FAM168A: variants seen among roughly 807,000 people sequenced by gnomAD.
The protein encoded by FAM168A is protein FAM168A.
FAM168A carries 3 observed loss-of-function variants against 28.5 expected under a neutral mutation model. That is an observed-to-expected ratio of 0.11 (90% CI 0.05 to 0.27). FAM168A has a LOEUF of 0.27. Among genes scored for constraint, FAM168A ranks in the 10% least tolerant of loss-of-function variants. The probability of loss-of-function intolerance (pLI) is 1.00; values close to 1 mark genes in which losing one functional copy is unlikely to be tolerated. For synonymous variants in FAM168A, 122 were observed against 124.2 expected (o/e 0.98, Z 0.12); for missense variants, 222 against 311.5 (o/e 0.71, Z 2.16).
At chr11:73,413,771 A>C (rs565827400) in intron 4 of FAM168A, among the ~76,000 whole-genome samples, 3 of 152,360 alleles carry the variant, frequency 2.0e-5, no homozygotes, top group African/African-American at 7.2e-5. Flanking sequence ...GAAGTTTTTA[A>C]AACAATAGGA....
chr11:73,423,922 A>G (rs1184862471), intron 3 of FAM168A, among the ~76,000 whole-genome samples: 1 of 152,234 alleles, frequency 6.6e-6, no homozygotes, highest in Admixed American at 6.5e-5. Context: ...TTCAGATGCT[A>G]TAACTGGAAG....
At chr11:73,537,483 C>G (rs1943597057) in intron 1 of FAM168A, among the ~76,000 whole-genome samples, 1 of 152,164 alleles carries the variant, frequency 6.6e-6, no homozygotes, top group Non-Finnish European at 1.5e-5. Flanking sequence ...ATCGCTTGAA[C>G]CCGGGAGGCA....
At chr11:73,459,335 A>T (rs1867599827) in intron 2 of FAM168A, among the ~76,000 whole-genome samples, 1 of 152,030 alleles carries the variant, frequency 6.6e-6, no homozygotes, top group Non-Finnish European at 1.5e-5. Context: ...AATACAAAAA[A>T]ATTAGCCGGG....
intron 1 of FAM168A, among the ~76,000 whole-genome samples, chr11:73,539,671 G>C (rs771863687): frequency 1.3e-5 from 2 of 152,194 alleles, no homozygotes; most frequent in Non-Finnish European, 2.9e-5. Context: ...TCTAAGCCAG[G>C]AGCATCCTTT....
chr11:73,485,258 T>C (rs563991750), intron 1 of FAM168A, among the ~76,000 whole-genome samples: 1 of 152,306 alleles, frequency 6.6e-6, no homozygotes, highest in East Asian at 1.9e-4. Context: ...ACTAATTCAT[T>C]CAGCAAATCC....
At chr11:73,547,520 G>C (rs949785471) in intron 1 of FAM168A, among the ~76,000 whole-genome samples, 7 of 152,012 alleles carry the variant, frequency 4.6e-5, no homozygotes, top group African/African-American at 1.2e-4. Flanking sequence ...AAATAAGCCA[G>C]GTGTGCTGAT....
At chr11:73,597,072 C>T (rs543755531) in intron 1 of FAM168A, among the ~76,000 whole-genome samples, 1 of 152,150 alleles carries the variant, frequency 6.6e-6, no homozygotes, top group South Asian at 2.1e-4. Context: ...TAAGATCACC[C>T]TAAATCCAAC....
chr11:73,455,117 G>C (rs934523250), intron 2 of FAM168A, among the ~76,000 whole-genome samples: 1 of 152,230 alleles, frequency 6.6e-6, no homozygotes, highest in African/African-American at 2.4e-5. Flanking sequence ...TGGGGCTTCA[G>C]TAGTCACAGG....
chr11:73,528,537 T>C (rs1943473421), intron 1 of FAM168A, among the ~76,000 whole-genome samples: 1 of 152,222 alleles, frequency 6.6e-6, no homozygotes, highest in African/African-American at 2.4e-5. Flanking sequence ...GATGTGTTCC[T>C]CCTCTTACTT....
intron 1 of FAM168A, among the ~76,000 whole-genome samples, chr11:73,542,224 G>T (rs938445041): frequency 1.3e-5 from 2 of 152,122 alleles, no homozygotes; most frequent in African/African-American, 4.8e-5. Context: ...CTGAATTTCA[G>T]ACTTGTATAT....
At chr11:73,425,091 G>C in intron 3 of FAM168A, 1 of 1,467,940 alleles carries the variant, frequency 6.8e-7, no homozygotes, top group Non-Finnish European at 9.1e-7. Context: ...CTAAGAATTT[G>C]TGCAAAGTTG....
chr11:73,528,431 C>G (rs1234198413), intron 1 of FAM168A, among the ~76,000 whole-genome samples: 4 of 152,128 alleles, frequency 2.6e-5, no homozygotes, highest in African/African-American at 9.7e-5. Context: ...AGTATCAATT[C>G]GTGAAAAATA....
intron 1 of FAM168A, among the ~76,000 whole-genome samples, chr11:73,545,983 T>A (rs1565292517): frequency 6.6e-6 from 1 of 152,234 alleles, no homozygotes; most frequent in Admixed American, 6.5e-5. Context: ...TAGAAAGTTA[T>A]CAGAGCCAAG....
chr11:73,486,175 G>T (rs1868051178), intron 1 of FAM168A, among the ~76,000 whole-genome samples: 2 of 152,136 alleles, frequency 1.3e-5, no homozygotes, highest in African/African-American at 4.8e-5. Context: ...ACACTGGAGG[G>T]TTTTGCTTGT....
At chr11:73,556,303 C>T (rs1009950307) in intron 1 of FAM168A, among the ~76,000 whole-genome samples, 1 of 151,550 alleles carries the variant, frequency 6.6e-6, no homozygotes, top group Non-Finnish European at 1.5e-5. Context: ...AAGCTATGAT[C>T]GTGCCACTGC....
chr11:73,495,335 A>C (rs1333203367), intron 1 of FAM168A, among the ~76,000 whole-genome samples: 2 of 152,134 alleles, frequency 1.3e-5, no homozygotes, highest in African/African-American at 4.8e-5. Context: ...TCTCAAAATT[A>C]AATAAATAAA....
At chr11:73,499,353 A>C (rs564213909) in intron 1 of FAM168A, among the ~76,000 whole-genome samples, 2 of 152,326 alleles carry the variant, frequency 1.3e-5, no homozygotes, top group Admixed American at 1.3e-4. Flanking sequence ...AGGCTCCCAC[A>C]AAAACCCCAT....
chr11:73,579,589 C>G (rs898476635), intron 1 of FAM168A, among the ~76,000 whole-genome samples: 2 of 152,158 alleles, frequency 1.3e-5, no homozygotes, highest in African/African-American at 4.8e-5. Flanking sequence ...CCCCACCCAC[C>G]ATTTAGAGCA....
chr11:73,555,388 G>A (rs923181920), intron 1 of FAM168A, among the ~76,000 whole-genome samples: 11 of 152,026 alleles, frequency 7.2e-5, no homozygotes, highest in African/African-American at 2.7e-4. Context: ...CAGCCTGGGG[G>A]CTCATGAAAG....
Sources: allele counts gnomAD v4.1 joint callset (sites outside exome capture counted in the v4.1 genomes callset), GRCh38; gene constraint gnomAD v4.1.1; transcripts MANE v1.5; gene names NCBI Gene and HGNC (gene_info 2026-07-23, HGNC 2026-07-21).